The following YWHAE variants were observed in gnomAD, a reference collection of about 807,000 sequenced individuals.
The protein encoded by YWHAE is 14-3-3 protein epsilon.
Under a neutral mutation model 30.1 loss-of-function variants are expected in YWHAE, and 4 were observed. The observed-to-expected ratio is 0.13, with a 90% CI of 0.07 to 0.30. YWHAE has a LOEUF of 0.30. Ranked by LOEUF, YWHAE falls within the 10% of genes least tolerant of loss-of-function variation. The pLI is 1.00. For synonymous variants in YWHAE, 118 were observed against 111.8 expected (o/e 1.06, Z -0.35); for missense variants, 121 against 315.9 (o/e 0.38, Z 4.68).
intron 1 of YWHAE, among the ~76,000 whole-genome samples, chr17:1,388,460 G>A (rs965448317): frequency 6.6e-6 from 1 of 151,474 alleles, no homozygotes; most frequent in Non-Finnish European, 1.5e-5. Flanking sequence ...AGCTTGCAGT[G>A]AGCCAAGATG....
chr17:1,364,875 C>T lies in YWHAE; in HGVS notation c.248G>A (p.Arg83Gln), dbSNP rs1341304673. 4.3e-6 allele frequency: 7 copies of T among 1,613,898 alleles called. No individual in the cohort carries two copies. Among genetic ancestry groups the T allele is most frequent in the South Asian group, 1.1e-5 (1 of 91,072 alleles). The change falls in exon 2 of 6, where the codon CGG becomes CAG. Residue 83 changes from arginine to glutamine, a missense_variant. Physicochemically the swap from Arg to Gln is conservative, Grantham distance 43. Coordinates refer to ENST00000264335, the MANE Select transcript of YWHAE (RefSeq NM_006761.5). ...KGGEDKLKMIREYRQMVETEL... is the reference protein window; with the variant it reads ...KGGEDKLKMIQEYRQMVETEL... ...CAATCTCACCATTTGCCGATATTCC[C>T]GAATCATTTTTAGCTTGTCTTCTCC...
chr17:1,368,521 G>A (rs915391068), intron 1 of YWHAE, among the ~76,000 whole-genome samples: 6 of 149,340 alleles, frequency 4.0e-5, no homozygotes, highest in East Asian at 2.0e-4. Context: ...CTGAGATCGC[G>A]CCATTGCACT....
chr17:1,358,452 G>A (rs1024167519), intron 4 of YWHAE, among the ~76,000 whole-genome samples: 3 of 151,780 alleles, frequency 2.0e-5, no homozygotes, highest in African/African-American at 4.8e-5. Context: ...CGTTAGCCAC[G>A]ATGGTCTCGA....
intron 1 of YWHAE, among the ~76,000 whole-genome samples, chr17:1,372,702 C>T (rs2073060246): frequency 6.6e-6 from 1 of 152,102 alleles, no homozygotes; most frequent in African/African-American, 2.4e-5. Flanking sequence ...CCTGTAATCC[C>T]AATACTTTGG....
At chr17:1,391,418 T>G (rs974420299) in intron 1 of YWHAE, among the ~76,000 whole-genome samples, 6 of 152,144 alleles carry the variant, frequency 3.9e-5, no homozygotes, top group African/African-American at 1.4e-4. Context: ...GGCCATTAAG[T>G]AGGGTGACCA....
At chr17:1,360,978 G>C (rs887315968) in intron 4 of YWHAE, 114 bp downstream of exon 4, 23 of 956,662 alleles carry the variant, frequency 2.4e-5, no homozygotes, top group Non-Finnish European at 3.5e-5. Flanking sequence ...AGAGCCAAAA[G>C]AATTACTATG....
chr17:1,374,940 C>T (rs180926115), intron 1 of YWHAE, among the ~76,000 whole-genome samples: 5 of 152,092 alleles, frequency 3.3e-5, no homozygotes, highest in Non-Finnish European at 5.9e-5. Flanking sequence ...GGTCTCACTA[C>T]GTTGCCCTGA....
chr17:1,371,769 T>A (rs2073046299), intron 1 of YWHAE, among the ~76,000 whole-genome samples: 1 of 151,978 alleles, frequency 6.6e-6, no homozygotes, highest in African/African-American at 2.4e-5. Flanking sequence ...GTGGTCACCA[T>A]CAATAATGTT....
chr17:1,386,435 A>G (rs929868926), intron 1 of YWHAE, among the ~76,000 whole-genome samples: 3 of 152,212 alleles, frequency 2.0e-5, no homozygotes, highest in African/African-American at 7.2e-5. Flanking sequence ...TCTTTTGTCT[A>G]TTTTGTTCAC....
chr17:1,362,038 G>A (rs1438376656), intron 2 of YWHAE, 30 bp from the exon 3 acceptor site: 1 of 1,336,804 alleles, frequency 7.5e-7, no homozygotes, highest in Admixed American at 2.5e-5. Flanking sequence ...TTTTAAATCA[G>A]ATTAAGTCTA....
rs531823193 is a variant in YWHAE, at chr17:1,357,886, C to T, written c.578+3206G>A. Among the ~76,000 whole-genome samples, 4 of 150,184 alleles carry T rather than the reference C, an allele frequency of 2.7e-5. No homozygotes were observed. The East Asian group carries it at 5.9e-4, about 22-fold the overall frequency. ...AGGTTGCAGTGAGCTGAGATTGCACCACTGCACTCCAGCCTGGGAAACACA... is the reference window on the plus strand; with the variant it reads ...AGGTTGCAGTGAGCTGAGATTGCACTACTGCACTCCAGCCTGGGAAACACA... On this transcript the variant is annotated intron_variant, in intron 4 of 5. Coordinates refer to ENST00000264335, the MANE Select transcript of YWHAE (RefSeq NM_006761.5).
chr17:1,367,645 C>CTCTG (rs1178433886), intron 1 of YWHAE, among the ~76,000 whole-genome samples: 1 of 152,064 alleles, frequency 6.6e-6, no homozygotes, highest in African/African-American at 2.4e-5. Context: ...AAGCGAGAGA[C>CTCTG]TCTGTGTCCA....
intron 4 of YWHAE, among the ~76,000 whole-genome samples, chr17:1,356,136 T>C (rs1012286032): frequency 6.6e-6 from 1 of 150,872 alleles, no homozygotes; most frequent in Non-Finnish European, 1.5e-5. Context: ...GCCACTGCAG[T>C]CCAGCCTGGG....
intron 1 of YWHAE, among the ~76,000 whole-genome samples, chr17:1,381,290 G>A (rs2073202100): frequency 6.6e-6 from 1 of 151,990 alleles, no homozygotes; most frequent in African/African-American, 2.4e-5. Flanking sequence ...TGAGGCGGGT[G>A]ACTCACCTGA....
At chr17:1,353,064 TA>T (rs2072662561) in intron 5 of YWHAE, among the ~76,000 whole-genome samples, 1 of 152,196 alleles carries the variant, frequency 6.6e-6, no homozygotes, top group East Asian at 1.9e-4. Flanking sequence ...CTCCTGTATT[TA>T]AAGTAAACAT....
intron 1 of YWHAE, among the ~76,000 whole-genome samples, chr17:1,392,562 A>AT (rs777887417): frequency 1.1e-4 from 17 of 152,080 alleles, no homozygotes; most frequent in Non-Finnish European, 2.2e-4. Flanking sequence ...TTGTATGTCT[A>AT]TATCTGGCCG....
intron 1 of YWHAE, among the ~76,000 whole-genome samples, chr17:1,391,920 C>G (rs2073394125): frequency 6.6e-6 from 1 of 152,140 alleles, no homozygotes; most frequent in Non-Finnish European, 1.5e-5. Flanking sequence ...CAGGCCTCTA[C>G]CAAAAAAATT....
At chr17:1,382,497 C>T (rs1375024037) in intron 1 of YWHAE, among the ~76,000 whole-genome samples, 1 of 151,468 alleles carries the variant, frequency 6.6e-6, no homozygotes, top group Non-Finnish European at 1.5e-5. Context: ...GCTGGGACTA[C>T]AGGCGCCCAC....
intron 1 of YWHAE, among the ~76,000 whole-genome samples, chr17:1,386,558 T>C (rs1345433884): frequency 1.3e-5 from 2 of 152,242 alleles, no homozygotes; most frequent in Non-Finnish European, 2.9e-5. Context: ...TTTAATACTT[T>C]GATTAAGGCT....
Sources: allele counts gnomAD v4.1 joint callset (sites outside exome capture counted in the v4.1 genomes callset), GRCh38; gene constraint gnomAD v4.1.1; transcripts MANE v1.5; gene names NCBI Gene and HGNC (gene_info 2026-07-23, HGNC 2026-07-21).